Variants in WDR27 observed in about 807,000 individuals in gnomAD.
WDR27 encodes WD repeat domain 27, also known as WD repeat-containing protein 27.
In WDR27, 100 loss-of-function variants were observed where a neutral mutation model predicts 114.4. The observed-to-expected ratio is 0.87, with a 90% CI of 0.74 to 1.03. WDR27 has a LOEUF of 1.03. Ranked by LOEUF, WDR27 falls within the 50% of genes least tolerant of loss-of-function variation. The pLI, the probability that WDR27 is intolerant of heterozygous loss-of-function variation, is 0.00. For missense variants in WDR27, 1,129 were observed against 1,092.9 expected (o/e 1.03, Z -0.47); for synonymous variants, 449 against 423.1 (o/e 1.06, Z -0.75).
chr6:169,555,726 T>C (rs1173801406), intron 25 of WDR27, among the ~76,000 whole-genome samples: 1 of 152,162 alleles, frequency 6.6e-6, no homozygotes, highest in Non-Finnish European at 1.5e-5. Context: ...ACTAGGCAAC[T>C]ATATAACTAA....
At chr6:169,612,631 T>TAAAAAAAAAAAAAAA (rs59134868) in intron 22 of WDR27, among the ~76,000 whole-genome samples, 1 of 97,044 alleles carries the variant, frequency 1.0e-5, no homozygotes, top group African/African-American at 4.1e-5. Flanking sequence ...CTGTCTAACA[T>TAAAAAAAAAAAAAAA]AAAAAAAAAA....
rs74480463 is a variant in WDR27, at chr6:169,569,130, G to A, written c.2645+3289C>T. Among the ~76,000 whole-genome samples, 73 of 152,290 alleles carry A rather than the reference G, an allele frequency of 4.8e-4. 3 individuals are homozygous for A. The East Asian group carries it at 0.012, about 25-fold the overall frequency. On this transcript the variant is annotated intron_variant, in intron 25 of 25. Coordinates refer to ENST00000448612, the MANE Select transcript of WDR27 (RefSeq NM_182552.5). ...GCAAGCAAACAGCCAACACACAACC[G>A]TGGGACCGTGATGCTACTGCAGCAT...
intron 25 of WDR27, among the ~76,000 whole-genome samples, chr6:169,561,099 A>G (rs1239046500): frequency 2.0e-5 from 3 of 152,178 alleles, no homozygotes; most frequent in Non-Finnish European, 4.4e-5. Flanking sequence ...GGTGGTTTGT[A>G]AACAACAGAC....
At chr6:169,646,223 A>G (rs1820714794) in intron 16 of WDR27, among the ~76,000 whole-genome samples, 1 of 152,188 alleles carries the variant, frequency 6.6e-6, no homozygotes, top group Non-Finnish European at 1.5e-5. Flanking sequence ...CATCCTCGCC[A>G]TCCTCCCTTA....
intron 18 of WDR27, among the ~76,000 whole-genome samples, chr6:169,636,888 C>T (rs904680211): frequency 6.6e-6 from 1 of 152,214 alleles, no homozygotes; most frequent in Admixed American, 6.5e-5. Context: ...AGCAAGCTGA[C>T]GGCATCCACA....
At chr6:169,527,380 A>G (rs73789998) in intron 25 of WDR27, among the ~76,000 whole-genome samples, 2,482 of 151,408 alleles carry the variant, frequency 0.016, 64 homozygotes, top group African/African-American at 0.057. Flanking sequence ...GTCAGACACA[A>G]AAGGCCACAT....
intron 21 of WDR27, 90 bp downstream of exon 21, chr6:169,632,857 C>G: frequency 8.0e-7 from 1 of 1,249,530 alleles, no homozygotes; most frequent in Non-Finnish European, 1.1e-6. Flanking sequence ...GTAGCAAACA[C>G]TTATAAAATG....
At chr6:169,579,838 C>G (rs968434201) in intron 24 of WDR27, among the ~76,000 whole-genome samples, 5 of 152,252 alleles carry the variant, frequency 3.3e-5, no homozygotes, top group African/African-American at 1.2e-4. Context: ...AAAAAACCTG[C>G]TCTTTCACTG....
At position 169,668,092 on chromosome 6, in the gene WDR27, G is replaced by A. The variant is rs1162279343; in HGVS notation, c.550C>T (p.Gln184Ter). The stretch of plus-strand genomic sequence containing the variant: ...CCCTGCAGCTCGGCCCGAACAGCCT[G>A]AGTCTGAGAGAATGTGTGCAGGAAG... ...PTFLHTFSQT[Q>*]AVRAELQGHL... The change falls in exon 5 of 26, where the codon CAG becomes TAG. Residue 184 changes from glutamine to a stop codon, truncating the protein, a stop_gained. Transcript: ENST00000448612. LOFTEE classifies it high-confidence loss of function. The A allele has an allele frequency of 1.2e-6, 2 of 1,614,050 alleles. No homozygotes were observed. Among genetic ancestry groups the A allele is most frequent in the Non-Finnish European group, 1.7e-6 (2 of 1,179,892 alleles).
intron 13 of WDR27, among the ~76,000 whole-genome samples, chr6:169,653,074 G>A (rs115862273): frequency 0.021 from 3,148 of 152,328 alleles, 57 homozygotes; most frequent in African/African-American, 0.057. Flanking sequence ...CGTCCATGGC[G>A]GCAGACAAGA....
chr6:169,639,878 G>C (rs1818729778), intron 17 of WDR27, among the ~76,000 whole-genome samples: 1 of 152,128 alleles, frequency 6.6e-6, no homozygotes, highest in Non-Finnish European at 1.5e-5. Context: ...CGGACACAAA[G>C]GAAAGGAGAA....
chr6:169,447,000 A>G, the WDR27 span, among the ~76,000 whole-genome samples: 1 of 152,122 alleles, frequency 6.6e-6, no homozygotes, highest in Admixed American at 6.5e-5. Flanking sequence ...ATCTTTTTTT[A>G]TTTTCTCTCA....
At chr6:169,643,640 G>A (rs1213614741) in intron 17 of WDR27, 57 bp downstream of exon 17, 1 of 1,446,736 alleles carries the variant, frequency 6.9e-7, no homozygotes, top group Admixed American at 1.9e-5. Flanking sequence ...TGATAACCAG[G>A]ACCTAAGTGA....
At chr6:169,594,515 G>A (rs903372505) in intron 23 of WDR27, among the ~76,000 whole-genome samples, 1 of 152,278 alleles carries the variant, frequency 6.6e-6, no homozygotes, top group African/African-American at 2.4e-5. Flanking sequence ...AGACAGATAC[G>A]TTAGTCTCCA....
At chr6:169,468,622 G>A (rs55850610) in intron 25 of WDR27, among the ~76,000 whole-genome samples, 2,498 of 152,294 alleles carry the variant, frequency 0.016, 69 homozygotes, top group African/African-American at 0.057. Context: ...GATGAGATTT[G>A]GGCAGGGACA....
chr6:169,616,781 T>G (rs139822874), intron 21 of WDR27, among the ~76,000 whole-genome samples: 1 of 152,078 alleles, frequency 6.6e-6, no homozygotes, highest in Non-Finnish European at 1.5e-5. Flanking sequence ...ATACTATATA[T>G]GGAGAGTGCA....
chr6:169,589,416 G>A (rs887582241), intron 23 of WDR27, among the ~76,000 whole-genome samples: 23 of 152,154 alleles, frequency 1.5e-4, no homozygotes, highest in Admixed American at 4.6e-4. Context: ...GCCTTCCAAG[G>A]CCACTCACCT....
intron 13 of WDR27, among the ~76,000 whole-genome samples, chr6:169,657,005 T>A (rs1041577144): frequency 6.6e-6 from 1 of 152,000 alleles, no homozygotes; most frequent in South Asian, 2.1e-4. Context: ...ACTGTCCCCA[T>A]GGTGATGGGA....
the WDR27 span, among the ~76,000 whole-genome samples, chr6:169,432,378 T>G: frequency 6.6e-6 from 1 of 152,236 alleles, no homozygotes; most frequent in Non-Finnish European, 1.5e-5. Flanking sequence ...AAAAATTTTG[T>G]TCACAGCTGA....
Sources: allele counts gnomAD v4.1 joint callset (sites outside exome capture counted in the v4.1 genomes callset), GRCh38; gene constraint gnomAD v4.1.1; transcripts MANE v1.5; gene names NCBI Gene and HGNC (gene_info 2026-07-23, HGNC 2026-07-21).